CLIP1: variants seen among roughly 807,000 people sequenced by gnomAD.
CLIP1 encodes CAP-Gly domain containing linker protein 1, also known as CAP-Gly domain-containing linker protein 1.
CLIP1 carries 66 observed loss-of-function variants against 161.6 expected under a neutral mutation model. The ratio of observed to expected loss-of-function variants is 0.41; its 90% CI spans 0.33 to 0.50. The LOEUF (loss-of-function observed/expected upper bound fraction) is 0.50, where lower values mean the gene tolerates loss of function less well. CLIP1 is among the 20% of genes least tolerant of loss of function. CLIP1 has a pLI of 0.27. For synonymous variants in CLIP1, 598 were observed against 626.2 expected (o/e 0.96, Z 0.67); for missense variants, 1,376 against 1,702.0 (o/e 0.81, Z 3.37).
intron 20 of CLIP1, among the ~76,000 whole-genome samples, chr12:122,292,725 C>T (rs1382323641): frequency 3.3e-5 from 5 of 152,102 alleles, no homozygotes; most frequent in African/African-American, 9.7e-5. Flanking sequence ...TAAAGATGGC[C>T]GGGCACGGTG....
chr12:122,340,647 A>T, intron 11 of CLIP1, 106 bp downstream of exon 11: 1 of 909,852 alleles, frequency 1.1e-6, no homozygotes. Flanking sequence ...AAGCAATTTA[A>T]TTAAATCAGC....
chr12:122,409,460 C>G (rs754107996), intron 1 of CLIP1, among the ~76,000 whole-genome samples: 47 of 152,092 alleles, frequency 3.1e-4, no homozygotes, highest in Non-Finnish European at 4.6e-4. Context: ...TAAATTTACT[C>G]ACAAATCCAT....
chr12:122,342,710 T>C (rs1952561200), intron 10 of CLIP1: 1 of 151,630 alleles, frequency 6.6e-6, no homozygotes, highest in African/African-American at 2.4e-5. Context: ...TCGCCTGTGG[T>C]AACAGGTACT....
intron 12 of CLIP1, among the ~76,000 whole-genome samples, chr12:122,335,400 C>T (rs897363745): frequency 6.6e-6 from 1 of 151,436 alleles, no homozygotes; most frequent in African/African-American, 2.4e-5. Context: ...GGTGGCATGT[C>T]TTGTCCTAAG....
At chr12:122,417,211 G>A (rs993180885) in intron 1 of CLIP1, among the ~76,000 whole-genome samples, 3 of 152,000 alleles carry the variant, frequency 2.0e-5, no homozygotes, top group Non-Finnish European at 2.9e-5. Flanking sequence ...CAGGAGAATC[G>A]CTTGAACCTG....
chr12:122,384,632 G>A (rs1955155943), intron 1 of CLIP1, among the ~76,000 whole-genome samples: 1 of 151,918 alleles, frequency 6.6e-6, no homozygotes, highest in African/African-American at 2.4e-5. Flanking sequence ...ATGGTGGCGG[G>A]CGCTTGTAAT....
chr12:122,371,600 G>C (rs577817488), intron 3 of CLIP1, among the ~76,000 whole-genome samples: 1 of 152,264 alleles, frequency 6.6e-6, no homozygotes, highest in East Asian at 1.9e-4. Context: ...GACAAGGCAA[G>C]TGGCATGGAC....
chr12:122,286,578 G>C (rs148572937), intron 21 of CLIP1, among the ~76,000 whole-genome samples: 1 of 145,906 alleles, frequency 6.9e-6, no homozygotes, highest in Non-Finnish European at 1.5e-5. Flanking sequence ...TCAGGGGCAC[G>C]GCAGTGGTGA....
intron 4 of CLIP1, among the ~76,000 whole-genome samples, chr12:122,363,661 G>A (rs577610761): frequency 4.2e-4 from 62 of 147,886 alleles, no homozygotes; most frequent in Admixed American, 3.0e-3. Flanking sequence ...CTCCCCAGAC[G>A]CCCAGGTATT....
At chr12:122,415,957 G>A (rs1956741757) in intron 1 of CLIP1, among the ~76,000 whole-genome samples, 1 of 151,920 alleles carries the variant, frequency 6.6e-6, no homozygotes, top group Non-Finnish European at 1.5e-5. Flanking sequence ...GCAAGATCCT[G>A]GGCCTGGCAC....
chr12:122,271,901 T>C lies in CLIP1; in HGVS notation c.*974A>G, dbSNP rs1041457747. The C allele has an allele frequency of 6.6e-6, 1 of 152,630 alleles. No homozygotes were observed. The highest frequency in any genetic ancestry group is 1.5e-5 in the Non-Finnish European group (1 of 68,042). 9.5% of individuals were successfully genotyped at this position (152,630 alleles called of 1,614,324 possible). On this transcript the variant is annotated 3_prime_UTR_variant, in exon 26 of 26. Transcript: ENST00000620786. The stretch of plus-strand genomic sequence containing the variant: ...ATTTAGGTGTTTTATACTGGCTTAT[T>C]GTTAATTGACTGCTGGGGATACCTG...
chr12:122,391,699 C>T lies in CLIP1; in HGVS notation c.-106-11141G>A, dbSNP rs542939537. 6.2e-4 allele frequency among the ~76,000 whole-genome samples: 95 copies of T among 152,272 alleles called. No homozygotes were observed. In the South Asian group the frequency reaches 0.019, roughly 30 times the overall value. ...TAGTATTCCTGAAAGTAGGACTATT[C>T]TTCCTCCCAACAACACAAAAATGTG... On this transcript the variant is annotated intron_variant, in intron 1 of 25. Coordinates refer to ENST00000620786, the MANE Select transcript of CLIP1 (RefSeq NM_001247997.2).
At position 122,279,027 on chromosome 12, in the gene CLIP1, C is replaced by T. The variant is rs1955543283; in HGVS notation, c.3765+1G>A. On this transcript the variant is annotated splice_donor_variant, in intron 22 of 25. Coordinates refer to ENST00000620786, the MANE Select transcript of CLIP1 (RefSeq NM_001247997.2). LOFTEE classifies it high-confidence loss of function. This position sits in a 1 kb window ranked among gnomAD's most constrained non-coding sequence, Gnocchi z 4.5. ...CTCGTGCACCCTGGGTGGTACTCTACCTCATTTCTCAGTTTCTCCAGCTCG... is the reference window on the plus strand; with the variant it reads ...CTCGTGCACCCTGGGTGGTACTCTATCTCATTTCTCAGTTTCTCCAGCTCG... 3 of 1,611,092 alleles carry T rather than the reference C, an allele frequency of 1.9e-6. No homozygotes were observed. The highest frequency in any genetic ancestry group is 1.7e-5 in the Admixed American group (1 of 59,402).
Position 122,380,391 on chromosome 12 carries a change from G to C in CLIP1, c.62C>G (p.Thr21Arg). ...ACCAGCCGTAGGTGTCTTCAGAGCT[G>C]TGCTTCCAGGCTTCAGGATCTTGGT... is the stretch of plus-strand genomic sequence containing the variant. Reference protein sequence around the residue: ...APTKILKPGSTALKTPTAVVA... With the variant: ...APTKILKPGSRALKTPTAVVA... The change falls in exon 2 of 26, where the codon ACA (threonine) becomes AGA (arginine). Residue 21 changes from threonine (T) to arginine (R), a missense_variant. This residue lies in a region of CLIP1 where 66 missense variants were observed against 67.8 expected (regional missense o/e 0.97). Transcript: ENST00000620786. 9 of 1,613,752 alleles carry C rather than the reference G, an allele frequency of 5.6e-6. No homozygotes were observed. The highest frequency in any genetic ancestry group is 7.6e-6 in the Non-Finnish European group (9 of 1,179,750).
intron 3 of CLIP1, among the ~76,000 whole-genome samples, chr12:122,375,315 CTT>C (rs58301377): frequency 2.8e-5 from 4 of 142,802 alleles, no homozygotes; most frequent in Admixed American, 7.1e-5. Context: ...CCCTGAAATT[CTT>C]TTTTTTTTTT....
At chr12:122,403,552 T>A (rs1956216653) in intron 1 of CLIP1, among the ~76,000 whole-genome samples, 1 of 144,770 alleles carries the variant, frequency 6.9e-6, no homozygotes, top group Non-Finnish European at 1.5e-5. Flanking sequence ...AGAGTCTTAC[T>A]CTGGTACCCA....
chr12:122,370,969 AG>A (rs57455543), intron 3 of CLIP1, among the ~76,000 whole-genome samples: 24,075 of 106,610 alleles, frequency 0.23, 2,427 homozygotes, highest in East Asian at 0.29. Flanking sequence ...AAAAAAAAAA[AG>A]AAAAAAAAAA....
chr12:122,408,575 C>T (rs569482592), intron 1 of CLIP1, among the ~76,000 whole-genome samples: 1 of 152,076 alleles, frequency 6.6e-6, no homozygotes, highest in East Asian at 1.9e-4. Context: ...GTCTCGATCT[C>T]CTGACCTCGT....
intron 1 of CLIP1, among the ~76,000 whole-genome samples, chr12:122,406,349 T>C (rs1463415611): frequency 6.6e-6 from 1 of 152,050 alleles, no homozygotes; most frequent in African/African-American, 2.4e-5. Flanking sequence ...AGACCTTGTC[T>C]CAAACAAGTA....
Sources: gnomAD v4.1 joint callset for allele counts (sites outside exome capture counted in the v4.1 genomes callset) on GRCh38, gnomAD v4.1.1 for gene constraint, gnomAD v4.1.1 regional missense constraint, Gnocchi (gnomAD v3.1) non-coding constraint, MANE v1.5 for transcripts, NCBI Gene and HGNC (gene_info 2026-07-23, HGNC 2026-07-21) for gene names.